Variants in CCDC80 observed in about 807,000 individuals in gnomAD.
CCDC80 encodes the protein coiled-coil domain containing 80, also known as coiled-coil domain-containing protein 80.
In CCDC80, 49 loss-of-function variants were observed where a neutral mutation model predicts 78.7. That is an observed-to-expected ratio of 0.62 (90% CI 0.50 to 0.79). CCDC80 has a LOEUF of 0.79. Among genes scored for constraint, CCDC80 ranks in the 30% least tolerant of loss-of-function variants. The probability of loss-of-function intolerance (pLI) is 0.00; values close to 1 mark genes in which losing one functional copy is unlikely to be tolerated. For synonymous variants in CCDC80, 488 were observed against 447.0 expected (o/e 1.09, Z -1.16); for missense variants, 1,205 against 1,198.6 (o/e 1.01, Z -0.08).
chr3:112,615,721 C>A (rs951647280), intron 5 of CCDC80, among the ~76,000 whole-genome samples: 7 of 152,058 alleles, frequency 4.6e-5, no homozygotes, highest in South Asian at 2.1e-4. Flanking sequence ...GTAAAGGGGC[C>A]AGCCAAAATC....
At chr3:112,605,897 A>T (rs1339531181) in intron 7 of CCDC80, 134 bp from the exon 8 acceptor site, 1 of 743,090 alleles carries the variant, frequency 1.3e-6, no homozygotes, top group Non-Finnish European at 2.1e-6. Flanking sequence ...AAATCTAATT[A>T]AAGAAGTTTG....
intron 3 of CCDC80, among the ~76,000 whole-genome samples, chr3:112,622,720 A>G (rs898289884): frequency 1.4e-4 from 22 of 152,074 alleles, no homozygotes; most frequent in Admixed American, 1.3e-4. Context: ...CAGTGGTGCA[A>G]TCTTGGCTCA....
intron 5 of CCDC80, among the ~76,000 whole-genome samples, chr3:112,616,451 A>AAG (rs1935749889): frequency 1.6e-5 from 1 of 60,972 alleles, no homozygotes; most frequent in South Asian, 4.9e-4. Flanking sequence ...AAAGAAAAGA[A>AAG]AAAAAAAAAA....
At chr3:112,610,915 CTTTTTTT>C (rs11379147) in intron 5 of CCDC80, among the ~76,000 whole-genome samples, 1 of 123,286 alleles carries the variant, frequency 8.1e-6, no homozygotes, top group Non-Finnish European at 1.6e-5. Flanking sequence ...TTCTTTCTTT[CTTTTTTT>C]TTTTTTTTTT....
chr3:112,640,232 A>G (rs1391279720), intron 1 of CCDC80, 95 bp downstream of exon 1: 1 of 281,430 alleles, frequency 3.6e-6, no homozygotes, highest in Non-Finnish European at 6.7e-6. Context: ...GCAAACTAGC[A>G]TATTAATTAT....
intron 3 of CCDC80, among the ~76,000 whole-genome samples, chr3:112,627,154 A>G (rs1251508163): frequency 6.6e-6 from 1 of 152,208 alleles, no homozygotes; most frequent in Non-Finnish European, 1.5e-5. Context: ...TCATTCTGCA[A>G]TGAAGTGCCT....
chr3:112,625,441 C>T lies in CCDC80; in HGVS notation c.2035+4672G>A, dbSNP rs540954477. Among the ~76,000 whole-genome samples the T allele has an allele frequency of 3.1e-4, 47 of 152,270 alleles. 1 individual carries two copies. The South Asian group carries it at 6.0e-3, about 20-fold the overall frequency. On this transcript the variant is annotated intron_variant, in intron 3 of 7. Coordinates refer to ENST00000206423, the MANE Select transcript of CCDC80 (RefSeq NM_199511.3). ...TGCACACACAATTTCACAATTTAAT[C>T]GTAACCTTGTTCATATATAGCTCTA...
chr3:112,622,822 A>ATTTTTTTTTT (rs373170477), intron 3 of CCDC80, among the ~76,000 whole-genome samples: 97 of 118,886 alleles, frequency 8.2e-4, no homozygotes, highest in African/African-American at 1.1e-3. Context: ...TGCCCAGCTA[A>ATTTTTTTTTT]TTTTTTTTTT....
At chr3:112,608,141 A>G (rs1935550677) in intron 6 of CCDC80, among the ~76,000 whole-genome samples, 1 of 152,256 alleles carries the variant, frequency 6.6e-6, no homozygotes, top group African/African-American at 2.4e-5. Context: ...AAGAGATTCC[A>G]GAGAAAGAAA....
Position 112,639,381 on chromosome 3 carries a change from C to A in CCDC80, c.525G>T (p.Val175=). The change falls in exon 2 of 8, where the codon GTG becomes GTT. Residue 175 remains valine (V), a synonymous_variant. Transcript: ENST00000206423. ...RLMMSLLKDD[V]YCELAERHIQ... ...TGTGCCTCTCCGCCAGCTCACAGTA[C>A]ACATCGTCCTTCAGCAGGCTCATCA... is the stretch of plus-strand genomic sequence containing the variant. 1 of 1,614,184 alleles carries A rather than the reference C, an allele frequency of 6.2e-7. No individual in the cohort carries two copies. Among genetic ancestry groups the A allele is most frequent in the South Asian group, 1.1e-5 (1 of 91,072 alleles).
rs1358060795 is a variant in CCDC80 at position 112,607,157 on chromosome 3, C to T, written c.2506+19G>A. The stretch of plus-strand genomic sequence containing the variant: ...AACTTAACACTAGTTCATACTGTTT[C>T]AAGATAACAACACATTACCATTAAT... On this transcript the variant is annotated intron_variant, in intron 7 of 7. Transcript: ENST00000206423. 4 of 1,575,902 alleles carry T rather than the reference C, an allele frequency of 2.5e-6. No homozygotes were observed. The highest frequency in any genetic ancestry group is 3.5e-6 in the Non-Finnish European group (4 of 1,149,756).
At position 112,611,230 on chromosome 3, in the gene CCDC80, C is replaced by T. The variant is rs187463701; in HGVS notation, c.2322-1149G>A. On this transcript the variant is annotated intron_variant, in intron 5 of 7. Transcript: ENST00000206423. ...GCCCAGCCTTCCTTATTTCTAAAAT[C>T]AAAAACAGCAGTATGTTGTTCACAG... Among the ~76,000 whole-genome samples, 3 of 152,156 alleles carry T rather than the reference C, an allele frequency of 2.0e-5. No individual in the cohort carries two copies. In the East Asian group the frequency reaches 5.8e-4, roughly 29 times the overall value.
chr3:112,629,865 C>T lies in CCDC80; in HGVS notation c.2035+248G>A, dbSNP rs116814806. ...ACTGTGTTACTTTTCCCATTTTCTTCCACCTTACTGACTTTCAGACAATAG... is the reference window on the plus strand; with the variant it reads ...ACTGTGTTACTTTTCCCATTTTCTTTCACCTTACTGACTTTCAGACAATAG... On this transcript the variant is annotated intron_variant, in intron 3 of 7. Transcript: ENST00000206423. 1.9e-3 allele frequency among the ~76,000 whole-genome samples: 287 copies of T among 152,282 alleles called. 2 individuals carry two copies. Among genetic ancestry groups the T allele is most frequent in the African/African-American group, 6.7e-3 (278 of 41,564 alleles).
rs748758569 is a variant in CCDC80 at position 112,630,128 on chromosome 3, C to T, written c.2020G>A (p.Asp674Asn). 5 of 1,613,536 alleles carry T rather than the reference C, an allele frequency of 3.1e-6. No individual in the cohort carries two copies. The highest frequency in any genetic ancestry group is 3.3e-5 in the Admixed American group (2 of 59,922). The change falls in exon 3 of 8, where the codon GAC (aspartate) becomes AAC (asparagine). Residue 674 changes from aspartate to asparagine, a missense_variant. Physicochemically the swap from Asp to Asn is conservative, Grantham distance 23. Transcript: ENST00000206423. ...GPVNNSTMKIDHFQLDNEKPM... is the reference protein window; with the variant it reads ...GPVNNSTMKINHFQLDNEKPM... ...TTAAGAGAACCTAGCTGAAAGTGGT[C>T]GATTTTCATGGTGCTGTTGTTGACA...
chr3:112,601,211 T>C lies in CCDC80; in HGVS notation c.*4206A>G, dbSNP rs1576775167. 6.6e-6 allele frequency: 1 copy of C among 152,210 alleles called. No individual in the cohort carries two copies. The highest frequency in any genetic ancestry group is 2.1e-4 in the South Asian group (1 of 4,830). The allele number at this position is 152,210 out of a possible 1,614,324, so 9.4% of individuals were successfully genotyped here. On this transcript the variant is annotated 3_prime_UTR_variant, in exon 8 of 8. Coordinates refer to ENST00000206423, the MANE Select transcript of CCDC80 (RefSeq NM_199511.3). Reference sequence around the variant, plus strand: ...AAGTTCATTGAACTATAAATTCCATTTTTACTGTCATTTATTTATAACAAA... The same window carrying C: ...AAGTTCATTGAACTATAAATTCCATCTTTACTGTCATTTATTTATAACAAA...
chr3:112,599,017 G>A lies in CCDC80; in HGVS notation c.*6400C>T, dbSNP rs1165152058. On this transcript the variant is annotated 3_prime_UTR_variant, in exon 8 of 8. Transcript: ENST00000206423. ...AGAATTGGACATCAGTTCAACCACA[G>A]GAAGCCTCTAAATTTAGCACTCTAC... 1 of 152,168 alleles carries A rather than the reference G, an allele frequency of 6.6e-6. No individual in the cohort carries two copies. Among genetic ancestry groups the A allele is most frequent in the Admixed American group, 6.5e-5 (1 of 15,274 alleles). The allele number at this position is 152,168 out of a possible 1,614,324, so 9.4% of individuals were successfully genotyped here.
In CCDC80 at chr3:112,639,641, T is replaced by C. The variant is rs764084881; in HGVS notation, c.265A>G (p.Thr89Ala). 4 of 1,614,108 alleles carry C rather than the reference T, an allele frequency of 2.5e-6. No homozygotes were observed. In the South Asian group the frequency reaches 3.3e-5, roughly 13 times the overall value. ...SVPVLRLARPTEPPARSDING... is the reference protein window; with the variant it reads ...SVPVLRLARPAEPPARSDING... ...ATGTCCGAGCGGGCTGGCGGCTCTGTTGGGCGAGCTAGTCTCAACACGGGC... is the reference window on the plus strand; with the variant it reads ...ATGTCCGAGCGGGCTGGCGGCTCTGCTGGGCGAGCTAGTCTCAACACGGGC... Residue 89 changes from threonine (T) to alanine (A), a missense_variant, in exon 2 of 8, where the codon ACA becomes GCA. Transcript: ENST00000206423.
rs1451824995 is a variant in CCDC80 at position 112,638,499 on chromosome 3, G to C, written c.1407C>G (p.Asp469Glu). 6.2e-7 allele frequency: 1 copy of C among 1,612,520 alleles called. No homozygotes were observed. The highest frequency in any genetic ancestry group is 8.5e-7 in the Non-Finnish European group (1 of 1,179,526). Residue 469 changes from aspartate to glutamate, a missense_variant, in exon 2 of 8, where the codon GAC becomes GAG. Transcript: ENST00000206423. ...GPGRFRDNRM[D>E]RREHGHRDPN... ...GGTCTCGGTGGCCATGTTCCCGCCTGTCCATGCGGTTGTCCCGGAAACGGC... is the reference window on the plus strand; with the variant it reads ...GGTCTCGGTGGCCATGTTCCCGCCTCTCCATGCGGTTGTCCCGGAAACGGC...
rs1434320174 is a variant in CCDC80 at position 112,603,918 on chromosome 3, A to C, written c.*1499T>G. On this transcript the variant is annotated 3_prime_UTR_variant, in exon 8 of 8. Coordinates refer to ENST00000206423, the MANE Select transcript of CCDC80 (RefSeq NM_199511.3). ...AGTTCGGAAACTGATTCCATCCCTCATGGATGATTTTAAGAGGCCCAAGAC... is the reference window on the plus strand; with the variant it reads ...AGTTCGGAAACTGATTCCATCCCTCCTGGATGATTTTAAGAGGCCCAAGAC... 6.6e-6 allele frequency: 1 copy of C among 152,200 alleles called. No homozygotes were observed. The highest frequency in any genetic ancestry group is 1.9e-4 in the East Asian group (1 of 5,194). 9.4% of individuals were successfully genotyped at this position (152,200 alleles called of 1,614,324 possible). A position where few individuals can be genotyped will look rare whatever the true frequency, so the allele number is the denominator to read the frequency against.
Sources: gnomAD v4.1 joint callset for allele counts (sites outside exome capture counted in the v4.1 genomes callset) on GRCh38, gnomAD v4.1.1 for gene constraint, MANE v1.5 for transcripts, NCBI Gene and HGNC (gene_info 2026-07-23, HGNC 2026-07-21) for gene names.